Variants in CALN1 observed in about 807,000 individuals in gnomAD.
CALN1 encodes calcium-binding protein 8.
CALN1 carries 17 observed loss-of-function variants against 30.6 expected under a neutral mutation model. That is an observed-to-expected ratio of 0.56 (90% confidence interval 0.38 to 0.83). The LOEUF (loss-of-function observed/expected upper bound fraction) is 0.83. Ranked by LOEUF, CALN1 falls within the 40% of genes least tolerant of loss-of-function variation. The pLI is 0.00. For missense variants in CALN1, 291 were observed against 354.9 expected (o/e 0.82, Z 1.45); for synonymous variants, 156 against 131.4 (o/e 1.19, Z -1.28).
At chr7:72,287,944 G>A (rs529254681) in intron 2 of CALN1, among the ~76,000 whole-genome samples, 1 of 151,946 alleles carries the variant, frequency 6.6e-6, no homozygotes, top group Non-Finnish European at 1.5e-5. Context: ...TAGTGAAATT[G>A]CACTCCAAAG....
chr7:71,989,431 T>A, intron 5 of CALN1, among the ~76,000 whole-genome samples: 1 of 144,062 alleles, frequency 6.9e-6, no homozygotes, highest in African/African-American at 2.7e-5. Context: ...GGAGTGAGAT[T>A]CCATCTATTA....
intron 2 of CALN1, among the ~76,000 whole-genome samples, chr7:72,346,175 T>C (rs1202399645): frequency 6.6e-6 from 1 of 152,166 alleles, no homozygotes; most frequent in East Asian, 1.9e-4. Flanking sequence ...TTTTTAAAGG[T>C]CAAATGGTAA....
chr7:72,235,706 A>T (rs1185692586), intron 3 of CALN1, among the ~76,000 whole-genome samples: 2 of 139,340 alleles, frequency 1.4e-5, no homozygotes, highest in Admixed American at 1.5e-4. Flanking sequence ...ACTCCATGAC[A>T]TCTCTCCCTC....
intron 5 of CALN1, among the ~76,000 whole-genome samples, chr7:71,830,688 C>A (rs1007344174): frequency 6.6e-6 from 1 of 152,128 alleles, no homozygotes; most frequent in African/African-American, 2.4e-5. Flanking sequence ...AGAAAAAGTC[C>A]TCGAACTTGG....
At chr7:71,989,420 C>T (rs990842440) in intron 5 of CALN1, among the ~76,000 whole-genome samples, 24 of 145,326 alleles carry the variant, frequency 1.7e-4, no homozygotes, top group East Asian at 2.1e-4. Context: ...GCCTGGGCAA[C>T]GGAGTGAGAT....
At chr7:72,280,575 AG>A (rs2129554172) in intron 2 of CALN1, among the ~76,000 whole-genome samples, 1 of 152,352 alleles carries the variant, frequency 6.6e-6, no homozygotes, top group South Asian at 2.1e-4. Flanking sequence ...AAGCTTTAAA[AG>A]GAAGAATCGC....
intron 4 of CALN1, among the ~76,000 whole-genome samples, chr7:72,024,262 A>C (rs1159978310): frequency 6.6e-6 from 1 of 152,210 alleles, no homozygotes; most frequent in African/African-American, 2.4e-5. Context: ...AAATCCTTCT[A>C]AGAATTAATG....
intron 3 of CALN1, among the ~76,000 whole-genome samples, chr7:72,275,769 T>G (rs1011600159): frequency 2.0e-5 from 3 of 152,178 alleles, no homozygotes; most frequent in African/African-American, 7.2e-5. Context: ...AAAAGTGCAT[T>G]TCAGTGCTTC....
the CALN1 span, among the ~76,000 whole-genome samples, chr7:72,463,514 C>T: frequency 6.6e-6 from 1 of 152,154 alleles, no homozygotes; most frequent in African/African-American, 2.4e-5. Flanking sequence ...TACAGTGGTA[C>T]TCCCCCCAAC....
At chr7:72,398,709 G>A (rs1585660935) in intron 2 of CALN1, among the ~76,000 whole-genome samples, 1 of 152,222 alleles carries the variant, frequency 6.6e-6, no homozygotes, top group Non-Finnish European at 1.5e-5. Context: ...GGATTTCACT[G>A]CTCCTCTTAG....
At chr7:72,332,180 G>A (rs1801722933) in intron 2 of CALN1, among the ~76,000 whole-genome samples, 1 of 152,162 alleles carries the variant, frequency 6.6e-6, no homozygotes, top group South Asian at 2.1e-4. Flanking sequence ...GCAGTGTACA[G>A]CAGCAGCAGA....
intron 2 of CALN1, among the ~76,000 whole-genome samples, chr7:72,387,646 C>A (rs1585634839): frequency 6.6e-6 from 1 of 152,274 alleles, no homozygotes; most frequent in Non-Finnish European, 1.5e-5. Flanking sequence ...TCAGATGAAT[C>A]CCACTTGAGA....
intron 2 of CALN1, among the ~76,000 whole-genome samples, chr7:72,312,061 T>C (rs1028438566): frequency 4.0e-4 from 61 of 152,064 alleles, no homozygotes; most frequent in Non-Finnish European, 4.6e-4. Flanking sequence ...TTTCTGGACA[T>C]TGCTAAAAGC....
At chr7:72,356,066 C>T (rs967474222) in intron 2 of CALN1, among the ~76,000 whole-genome samples, 1 of 152,230 alleles carries the variant, frequency 6.6e-6, no homozygotes, top group South Asian at 2.1e-4. Context: ...ACATTGTATA[C>T]ATGTATCAAA....
intron 5 of CALN1, among the ~76,000 whole-genome samples, chr7:71,986,588 T>A (rs1798684637): frequency 6.6e-6 from 1 of 151,964 alleles, no homozygotes. Context: ...CACACCTACA[T>A]AGAAAAACAG....
At chr7:72,048,003 A>G (rs844771) in intron 4 of CALN1, among the ~76,000 whole-genome samples, 96,871 of 150,816 alleles carry the variant, frequency 0.64, 31,478 homozygotes, top group East Asian at 0.76. Context: ...CACAGATTTC[A>G]GAGGCTTCAT....
chr7:72,140,295 AG>A (rs1809811696), intron 3 of CALN1, among the ~76,000 whole-genome samples: 1 of 143,032 alleles, frequency 7.0e-6, no homozygotes, highest in South Asian at 2.4e-4. Flanking sequence ...AGAGAGAGAG[AG>A]AGAGAGAGAA....
chr7:72,401,554 A>C (rs1452040547), intron 2 of CALN1, among the ~76,000 whole-genome samples: 3 of 152,218 alleles, frequency 2.0e-5, no homozygotes, highest in East Asian at 1.9e-4. Context: ...CAGGGTCTAA[A>C]GGGAGTTCAT....
chr7:72,428,911 T>C (rs1389161739), intron 1 of CALN1, among the ~76,000 whole-genome samples: 2 of 152,112 alleles, frequency 1.3e-5, no homozygotes, highest in African/African-American at 4.8e-5. Context: ...TGAGAGTGGC[T>C]CTATCAAACC....
Sources: gnomAD v4.1 joint callset for allele counts (sites outside exome capture counted in the v4.1 genomes callset) on GRCh38, gnomAD v4.1.1 for gene constraint, MANE v1.5 for transcripts, NCBI Gene and HGNC (gene_info 2026-07-23, HGNC 2026-07-21) for gene names.